HDAC4: variants seen among roughly 807,000 people sequenced by gnomAD.
The protein encoded by HDAC4 is histone deacetylase A.
In HDAC4, 16 loss-of-function variants were observed where a neutral mutation model predicts 135.1. The ratio of observed to expected loss-of-function variants is 0.12; its 90% confidence interval spans 0.08 to 0.18. The LOEUF (loss-of-function observed/expected upper bound fraction) is 0.18. Ranked by LOEUF, HDAC4 falls within the 10% of genes least tolerant of loss-of-function variation. The pLI is 1.00. For missense variants in HDAC4, 1,143 were observed against 1,511.8 expected, an observed-to-expected ratio of 0.76 and a Z score of 4.05; for synonymous variants, 685 against 653.4, an observed-to-expected ratio of 1.05 and a Z score of -0.74.
At chr2:239,152,978 A>T (rs1472270036) in intron 7 of HDAC4, among the ~76,000 whole-genome samples, 1 of 152,262 alleles carries the variant, frequency 6.6e-6, no homozygotes, top group Non-Finnish European at 1.5e-5. Flanking sequence ...CAGATGACGA[A>T]ACTGAGGCAC....
chr2:239,075,027 T>A (rs1338724798), intron 22 of HDAC4, among the ~76,000 whole-genome samples: 1 of 151,804 alleles, frequency 6.6e-6, no homozygotes, highest in African/African-American at 2.4e-5. Context: ...ATCGAGACCA[T>A]CCTGGCTAAC....
intron 2 of HDAC4, among the ~76,000 whole-genome samples, chr2:239,347,873 G>A (rs1692826164): frequency 6.6e-6 from 1 of 152,214 alleles, no homozygotes; most frequent in Non-Finnish European, 1.5e-5. Context: ...CCAGGAGCGA[G>A]AGGATGCTCA....
chr2:239,224,306 C>T (rs2047124796), intron 3 of HDAC4, among the ~76,000 whole-genome samples: 1 of 152,232 alleles, frequency 6.6e-6, no homozygotes, highest in Non-Finnish European at 1.5e-5. Context: ...TGCTCCCAGA[C>T]CCTGGTGGGT....
chr2:239,162,910 T>C (rs186015459), intron 6 of HDAC4, among the ~76,000 whole-genome samples: 4 of 152,296 alleles, frequency 2.6e-5, no homozygotes, highest in Admixed American at 1.3e-4. Flanking sequence ...CTATTTTTTT[T>C]CCAACGAAAT....
intron 2 of HDAC4, among the ~76,000 whole-genome samples, chr2:239,340,533 G>A (rs773956604): frequency 4.6e-5 from 7 of 152,198 alleles, no homozygotes; most frequent in Non-Finnish European, 8.8e-5. Flanking sequence ...CATCGGTGCT[G>A]CTGCTTAGAG....
chr2:239,067,105 C>T (rs888666315), intron 23 of HDAC4: 39 of 562,076 alleles, frequency 6.9e-5, no homozygotes, highest in Admixed American at 2.5e-4. Context: ...CTTTAGGGGA[C>T]GAGGGCAGCC....
In HDAC4 at chr2:239,108,389, G is replaced by A. The variant is rs141248615; in HGVS notation, c.1979-206C>T. ...ACGTGGACGAATGCAGAGGCCAGGCGGGTGGGAGGGCCTGCCTGTCACTCA... is the reference window on the plus strand; with the variant it reads ...ACGTGGACGAATGCAGAGGCCAGGCAGGTGGGAGGGCCTGCCTGTCACTCA... On this transcript the variant is annotated intron_variant, in intron 14 of 26. Transcript: ENST00000543185. Among the ~76,000 whole-genome samples the A allele has an allele frequency of 3.2e-3, 491 of 152,274 alleles. 3 individuals carry two copies. The Middle Eastern group carries it at 0.048, about 15-fold the overall frequency.
chr2:239,067,170 T>C (rs1032989378), intron 23 of HDAC4, among the ~76,000 whole-genome samples: 15 of 152,240 alleles, frequency 9.9e-5, no homozygotes, highest in Admixed American at 1.3e-4. Context: ...AGAGGGGCTA[T>C]GGCCATGCTC....
chr2:239,303,025 A>G lies in HDAC4; in HGVS notation c.22+49653T>C, dbSNP rs2052359779. Among the ~76,000 whole-genome samples, 2 of 152,090 alleles carry G rather than the reference A, an allele frequency of 1.3e-5. No individual in the cohort carries two copies. Among genetic ancestry groups the G allele is most frequent in the South Asian group, 4.1e-4 (2 of 4,820 alleles). On this transcript the variant is annotated intron_variant, in intron 2 of 26. Transcript: ENST00000543185. This position sits in a 1 kb window ranked among gnomAD's most constrained non-coding sequence, Gnocchi z 5.1. ...TGCTGGGCTGGGCGTCACCCCTGCCACCTCGGGAGTCCTCAAACCCCCCCC... is the reference window on the plus strand; with the variant it reads ...TGCTGGGCTGGGCGTCACCCCTGCCGCCTCGGGAGTCCTCAAACCCCCCCC...
chr2:239,104,082 T>C (rs1250948353), intron 15 of HDAC4, among the ~76,000 whole-genome samples: 1 of 152,176 alleles, frequency 6.6e-6, no homozygotes, highest in Non-Finnish European at 1.5e-5. Flanking sequence ...AAAACGACTC[T>C]ATGGTCCCAT....
chr2:239,142,329 T>C (rs2041439987), intron 8 of HDAC4, among the ~76,000 whole-genome samples: 1 of 152,086 alleles, frequency 6.6e-6, no homozygotes, highest in South Asian at 2.1e-4. Context: ...GCTCCACTCC[T>C]CCGTGTGGGA....
At chr2:239,223,107 TCA>T (rs1223696246) in intron 3 of HDAC4, among the ~76,000 whole-genome samples, 5 of 152,218 alleles carry the variant, frequency 3.3e-5, no homozygotes, top group African/African-American at 1.2e-4. Context: ...TCTTGCCTTC[TCA>T]GTTACGTAAG....
At chr2:239,131,772 A>G (rs1405571803) in intron 11 of HDAC4, among the ~76,000 whole-genome samples, 4 of 152,262 alleles carry the variant, frequency 2.6e-5, no homozygotes, top group African/African-American at 9.6e-5. Flanking sequence ...TTCAGGGGAC[A>G]GCCGTGGGCC....
chr2:239,380,704 C>T (rs1178643973), intron 1 of HDAC4, among the ~76,000 whole-genome samples: 1 of 152,174 alleles, frequency 6.6e-6, no homozygotes, highest in Non-Finnish European at 1.5e-5. Flanking sequence ...TTTCTTACCA[C>T]AATTGAAAAT....
intron 2 of HDAC4, among the ~76,000 whole-genome samples, chr2:239,250,923 C>T (rs2048750370): frequency 6.6e-6 from 1 of 152,224 alleles, no homozygotes; most frequent in Non-Finnish European, 1.5e-5. Context: ...ACCCGGGGAA[C>T]CTGCCCACGT....
chr2:239,123,282 C>T (rs1215060316), intron 12 of HDAC4, among the ~76,000 whole-genome samples: 1 of 152,242 alleles, frequency 6.6e-6, no homozygotes, highest in Admixed American at 6.5e-5. Context: ...AGGCGCCCGA[C>T]ACGCCCACAG....
intron 2 of HDAC4, among the ~76,000 whole-genome samples, chr2:239,252,403 C>CACCACCATGGACACA: frequency 1.3e-5 from 2 of 152,224 alleles, no homozygotes; most frequent in Non-Finnish European, 2.9e-5. Context: ...ACATGGCCCA[C>CACCACCATGGACACA]GCCACCATGG....
rs959219102 is a variant in HDAC4 at position 239,049,952 on chromosome 2, GCCC to G, written c.*3142_*3144del. On this transcript the variant is annotated 3_prime_UTR_variant, in exon 27 of 27. Transcript: ENST00000543185. ...GCTCGCTTGCTGACTCCCAGCCAGT[GCCC>G]CCAAGGCCTTTGCAAAGGAAGAAAA... The G allele has an allele frequency of 1.9e-4, 29 of 152,658 alleles. No homozygotes were observed. Among genetic ancestry groups the G allele is most frequent in the African/African-American group, 7.0e-4 (29 of 41,472 alleles). The allele number at this position is 152,658 out of a possible 1,614,324, so 9.5% of individuals were successfully genotyped here.
intron 3 of HDAC4, among the ~76,000 whole-genome samples, chr2:239,197,570 C>A (rs1181876016): frequency 6.6e-6 from 1 of 152,176 alleles, no homozygotes; most frequent in Non-Finnish European, 1.5e-5. Flanking sequence ...AGTAGGAGAT[C>A]TCCCAGAACA....
Sources: allele counts gnomAD v4.1 joint callset (sites outside exome capture counted in the v4.1 genomes callset), GRCh38; gene constraint gnomAD v4.1.1; non-coding constraint Gnocchi (gnomAD v3.1); transcripts MANE v1.5; gene names NCBI Gene and HGNC (gene_info 2026-07-23, HGNC 2026-07-21).